Variants in CLMP observed in about 807,000 individuals in gnomAD.
CLMP encodes the protein CXADR-like membrane protein.
CLMP carries 27 observed loss-of-function variants against 45.2 expected under a neutral mutation model. That is an observed-to-expected ratio of 0.60 (90% CI 0.44 to 0.82). The LOEUF (loss-of-function observed/expected upper bound fraction) is 0.82. Among genes scored for constraint, CLMP ranks in the 40% least tolerant of loss-of-function variants. The pLI is 0.00. For missense variants in CLMP, 403 were observed against 448.4 expected, an observed-to-expected ratio of 0.90 and a Z score of 0.91; for synonymous variants, 167 against 171.4, an observed-to-expected ratio of 0.97 and a Z score of 0.20.
intron 5 of CLMP, among the ~76,000 whole-genome samples, chr11:123,080,305 A>G (rs193097314): frequency 7.8e-4 from 118 of 151,996 alleles, no homozygotes; most frequent in African/African-American, 2.7e-3. Flanking sequence ...TCACACTCAA[A>G]AAGAGGAGAA....
At chr11:123,169,666 C>T (rs764080708) in intron 1 of CLMP, among the ~76,000 whole-genome samples, 3 of 152,120 alleles carry the variant, frequency 2.0e-5, no homozygotes, top group Admixed American at 1.3e-4. Context: ...TATTCTGAAC[C>T]AAATAAGAGT....
chr11:123,168,332 A>T (rs1423831416), intron 1 of CLMP, among the ~76,000 whole-genome samples: 1 of 152,136 alleles, frequency 6.6e-6, no homozygotes, highest in Non-Finnish European at 1.5e-5. Context: ...CTTTGACCAG[A>T]CAGCATCTAG....
At chr11:123,163,529 G>A (rs770795718) in intron 1 of CLMP, among the ~76,000 whole-genome samples, 16 of 152,182 alleles carry the variant, frequency 1.1e-4, no homozygotes, top group African/African-American at 3.6e-4. Context: ...TACTCAAAGC[G>A]TGGCCTGGGG....
chr11:123,085,172 G>C (rs550266676), intron 2 of CLMP, among the ~76,000 whole-genome samples: 5 of 143,338 alleles, frequency 3.5e-5, no homozygotes, highest in African/African-American at 1.1e-4. Context: ...CGGCAAACCT[G>C]CCTCCCATTC....
At chr11:123,192,429 G>C (rs7948088) in intron 1 of CLMP, among the ~76,000 whole-genome samples, 1 of 152,124 alleles carries the variant, frequency 6.6e-6, no homozygotes, top group Non-Finnish European at 1.5e-5. Context: ...TTCCAGCTTC[G>C]TGCATTCTAC....
At chr11:123,147,203 C>T (rs1328789670) in intron 1 of CLMP, among the ~76,000 whole-genome samples, 2 of 152,150 alleles carry the variant, frequency 1.3e-5, no homozygotes, top group Non-Finnish European at 2.9e-5. Flanking sequence ...CTTTGCTTGG[C>T]TCTCCAACCT....
chr11:123,074,654 T>C, intron 6 of CLMP, 48 bp downstream of exon 6: 1 of 1,586,436 alleles, frequency 6.3e-7, no homozygotes, highest in Non-Finnish European at 8.6e-7. Flanking sequence ...ACTATAGTGC[T>C]GGCCCTAAAA....
At chr11:123,091,020 G>C (rs1190569537) in intron 2 of CLMP, among the ~76,000 whole-genome samples, 1 of 152,064 alleles carries the variant, frequency 6.6e-6, no homozygotes, top group Non-Finnish European at 1.5e-5. Context: ...AAACTGCGAG[G>C]GTCCCAGTAT....
intron 1 of CLMP, among the ~76,000 whole-genome samples, chr11:123,129,427 A>T: frequency 7.3e-6 from 1 of 136,632 alleles, no homozygotes; most frequent in Admixed American, 7.6e-5. Flanking sequence ...ATATTATATA[A>T]AATATATATC....
At chr11:123,157,748 A>T (rs1030679706) in intron 1 of CLMP, among the ~76,000 whole-genome samples, 1 of 145,276 alleles carries the variant, frequency 6.9e-6, no homozygotes, top group African/African-American at 2.5e-5. Flanking sequence ...AAAAAAAAAG[A>T]AGTAGTGAAG....
intron 1 of CLMP, among the ~76,000 whole-genome samples, chr11:123,158,554 C>T (rs960952634): frequency 2.0e-5 from 3 of 152,172 alleles, no homozygotes; most frequent in Non-Finnish European, 4.4e-5. Flanking sequence ...TAAAAGGGCA[C>T]TGCTCGTTGT....
intron 1 of CLMP, among the ~76,000 whole-genome samples, chr11:123,153,072 T>A (rs182757063): frequency 3.3e-5 from 5 of 152,252 alleles, no homozygotes; most frequent in Admixed American, 3.3e-4. Context: ...ATGGAACACA[T>A]CTGGCTGAGC....
At chr11:123,158,308 A>G (rs1044641368) in intron 1 of CLMP, among the ~76,000 whole-genome samples, 1 of 152,224 alleles carries the variant, frequency 6.6e-6, no homozygotes, top group Non-Finnish European at 1.5e-5. Context: ...CTAACTCTCA[A>G]TGCGTCTAGA....
At chr11:123,127,573 CTT>C (rs1360023953) in intron 1 of CLMP, among the ~76,000 whole-genome samples, 1 of 152,148 alleles carries the variant, frequency 6.6e-6, no homozygotes, top group Non-Finnish European at 1.5e-5. Flanking sequence ...TACCCAAACT[CTT>C]TGAGAAAATA....
chr11:123,089,380 T>G (rs1010933802), intron 2 of CLMP, among the ~76,000 whole-genome samples: 8 of 151,800 alleles, frequency 5.3e-5, no homozygotes, highest in African/African-American at 1.5e-4. Flanking sequence ...AAACACATTT[T>G]TCTTCATGAC....
intron 1 of CLMP, among the ~76,000 whole-genome samples, chr11:123,169,211 C>A (rs1861598388): frequency 6.6e-6 from 1 of 152,084 alleles, no homozygotes; most frequent in Non-Finnish European, 1.5e-5. Flanking sequence ...CTCTGGGATT[C>A]CCAGAGGAAT....
chr11:123,160,180 T>C (rs936451199), intron 1 of CLMP, among the ~76,000 whole-genome samples: 2 of 141,750 alleles, frequency 1.4e-5, no homozygotes, highest in Admixed American at 7.9e-5. Context: ...CTTGGGAGGC[T>C]GAAGCAGGAG....
chr11:123,114,424 TTCCCTCCC>T (rs1286745418), intron 1 of CLMP, among the ~76,000 whole-genome samples: 2 of 124,862 alleles, frequency 1.6e-5, no homozygotes, highest in East Asian at 2.3e-4. Context: ...TGCATTTTCT[TTCCCTCCC>T]TCCCTCCCTC....
chr11:123,118,957 C>A lies in CLMP; in HGVS notation c.29-21005G>T, dbSNP rs142236121. On this transcript the variant is annotated intron_variant, in intron 1 of 6. Transcript: ENST00000448775. ...TCTTTCTTTCTTTCTTTCTTTCTTT[C>A]TTTCTTTCTTTCTTTCTTTCTTTCT... Among the ~76,000 whole-genome samples the A allele has an allele frequency of 0.022, 782 of 35,534 alleles. 35 individuals are homozygous for A. The South Asian group carries it at 0.24, about 11-fold the overall frequency. The allele number at this position is 35,534 out of a possible 152,430, so 23.3% of individuals were successfully genotyped here. A position where few individuals can be genotyped will look rare whatever the true frequency, so the allele number is the denominator to read the frequency against.
Sources: allele counts gnomAD v4.1 joint callset (sites outside exome capture counted in the v4.1 genomes callset), GRCh38; gene constraint gnomAD v4.1.1; transcripts MANE v1.5; gene names NCBI Gene and HGNC (gene_info 2026-07-23, HGNC 2026-07-21).